TRIM5: variants seen among roughly 807,000 people sequenced by gnomAD.
TRIM5 encodes the protein tripartite motif-containing protein 5.
A neutral mutation model predicts 35.6 loss-of-function variants in TRIM5; 31 were observed. The ratio of observed to expected loss-of-function variants is 0.87; its 90% CI spans 0.65 to 1.18. The LOEUF is 1.18. Ranked by LOEUF, TRIM5 falls within the 50% of genes most tolerant of loss-of-function variation. The pLI is 0.00. For synonymous variants in TRIM5, 243 were observed against 215.6 expected, an observed-to-expected ratio of 1.13 and a Z score of -1.11; for missense variants, 609 against 591.6, an observed-to-expected ratio of 1.03 and a Z score of -0.31.
At chr11:5,646,422 C>T in the TRIM5 span, among the ~76,000 whole-genome samples, 1 of 152,146 alleles carries the variant, frequency 6.6e-6, no homozygotes, top group African/African-American at 2.4e-5. Flanking sequence ...ACATCATCAG[C>T]ACACAATGTC....
the TRIM5 span, among the ~76,000 whole-genome samples, chr11:5,595,930 C>G: frequency 6.6e-6 from 1 of 152,138 alleles, no homozygotes; most frequent in East Asian, 1.9e-4. Context: ...ATCCGCCCGC[C>G]TCGGCCTCCC....
At chr11:5,677,092 A>C (rs1179513607) in intron 4 of TRIM5, among the ~76,000 whole-genome samples, 1 of 151,896 alleles carries the variant, frequency 6.6e-6, no homozygotes, top group Non-Finnish European at 1.5e-5. Context: ...CAAAAGACAA[A>C]ATTGACAAAT....
chr11:5,634,530 C>CACACATAT, the TRIM5 span: 5 of 261,994 alleles, frequency 1.9e-5, no homozygotes, highest in African/African-American at 1.6e-4. Flanking sequence ...CACACACACA[C>CACACATAT]ATATATATAT....
the TRIM5 span, among the ~76,000 whole-genome samples, chr11:5,653,325 T>C: frequency 2.0e-5 from 3 of 152,204 alleles, no homozygotes; most frequent in African/African-American, 4.8e-5. Context: ...GTTGAACATA[T>C]GTGTTAGTCC....
At chr11:5,620,480 A>C in the TRIM5 span, among the ~76,000 whole-genome samples, 43,784 of 151,536 alleles carry the variant, frequency 0.29, 6,366 homozygotes, top group East Asian at 0.3. Flanking sequence ...GGATTACAGG[A>C]GTGAGCCACT....
the TRIM5 span, among the ~76,000 whole-genome samples, chr11:5,631,144 A>G: frequency 6.6e-6 from 1 of 152,068 alleles, no homozygotes; most frequent in African/African-American, 2.4e-5. Context: ...CCCTCCCCCA[A>G]CGAATACACA....
chr11:5,629,867 CT>C, the TRIM5 span, among the ~76,000 whole-genome samples: 1 of 152,192 alleles, frequency 6.6e-6, no homozygotes, highest in East Asian at 1.9e-4. Context: ...GCCGCCACCC[CT>C]GGCTAATTTT....
the TRIM5 span, among the ~76,000 whole-genome samples, chr11:5,617,035 CT>C: frequency 0.45 from 57,315 of 126,540 alleles, 15,876 homozygotes; most frequent in Non-Finnish European, 0.49. Context: ...CCACGCCCAG[CT>C]TTTTTTTTTT....
At position 5,664,686 on chromosome 11, in the gene TRIM5, T is replaced by C; in HGVS notation, c.*123A>G. The C allele has an allele frequency of 2.0e-6, 3 of 1,464,372 alleles. No homozygotes were observed. In the African/African-American group the frequency reaches 4.2e-5, roughly 21 times the overall value. 90.7% of individuals were successfully genotyped at this position (1,464,372 alleles called of 1,614,324 possible). On this transcript the variant is annotated 3_prime_UTR_variant, in exon 8 of 8. Coordinates refer to ENST00000380034, the MANE Select transcript of TRIM5 (RefSeq NM_033034.3). The stretch of plus-strand genomic sequence containing the variant: ...ACATTTTACTGATGAGTGAAGGACG[T>C]TCAAATAGAAAGAAGGGAGACAGCA...
At chr11:5,648,625 C>T in the TRIM5 span, among the ~76,000 whole-genome samples, 1 of 151,720 alleles carries the variant, frequency 6.6e-6, no homozygotes, top group South Asian at 2.1e-4. Flanking sequence ...GTGTGAAAGA[C>T]AAAAAAAATA....
chr11:5,660,490 G>A (rs1204447899), downstream of TRIM5, among the ~76,000 whole-genome samples: 1 of 152,034 alleles, frequency 6.6e-6, no homozygotes, highest in Non-Finnish European at 1.5e-5. Flanking sequence ...TTTTGTCCAA[G>A]GTTTCTAATG....
the TRIM5 span, among the ~76,000 whole-genome samples, chr11:5,645,156 C>A: frequency 1.3e-5 from 2 of 152,120 alleles, no homozygotes; most frequent in African/African-American, 4.8e-5. Flanking sequence ...CTTTGGGAGG[C>A]CGAGAAGAGA....
downstream of TRIM5, among the ~76,000 whole-genome samples, chr11:5,660,678 T>C (rs563995380): frequency 6.6e-6 from 1 of 152,168 alleles, no homozygotes; most frequent in South Asian, 2.1e-4. Context: ...TGTAATGTTT[T>C]GCACTGCCAC....
At chr11:5,611,548 G>C in the TRIM5 span, 2 of 504,624 alleles carry the variant, frequency 4.0e-6, no homozygotes, top group African/African-American at 3.8e-5. Flanking sequence ...CTGCCTCCTG[G>C]GTTCAAGCGA....
chr11:5,589,366 A>G, the TRIM5 span: 1 of 152,116 alleles, frequency 6.6e-6, no homozygotes, highest in Non-Finnish European at 1.5e-5. Context: ...AAATCATGCA[A>G]GTGATTTTGC....
chr11:5,664,464 T>G lies in TRIM5; in HGVS notation c.*345A>C. On this transcript the variant is annotated 3_prime_UTR_variant, in exon 8 of 8. Transcript: ENST00000380034. Reference sequence around the variant, plus strand: ...TCACACGATGATATAGAAAGGCTGTTGAAAAGCTTTTCTTCATCTTCTTAG... The same window carrying G: ...TCACACGATGATATAGAAAGGCTGTGGAAAAGCTTTTCTTCATCTTCTTAG... The G allele has an allele frequency of 1.9e-6, 2 of 1,034,124 alleles. No individual in the cohort carries two copies. The highest frequency in any genetic ancestry group is 2.3e-6 in the Non-Finnish European group (2 of 860,088). The allele number at this position is 1,034,124 out of a possible 1,614,324, so 64.1% of individuals were successfully genotyped here.
At chr11:5,647,931 A>T in the TRIM5 span, among the ~76,000 whole-genome samples, 343 of 151,676 alleles carry the variant, frequency 2.3e-3, 15 homozygotes, top group East Asian at 0.061. Context: ...TGATCCACAC[A>T]CTCTGTGACT....
intron 1 of TRIM5, among the ~76,000 whole-genome samples, chr11:5,681,212 G>A (rs2880575): frequency 0.12 from 17,918 of 152,184 alleles, 1,259 homozygotes; most frequent in East Asian, 0.29. Context: ...AATATTAGAT[G>A]AGATGATTCT....
chr11:5,683,031 C>T (rs904087554), intron 1 of TRIM5, among the ~76,000 whole-genome samples: 4 of 152,126 alleles, frequency 2.6e-5, no homozygotes, highest in African/African-American at 9.6e-5. Flanking sequence ...TGGTGGGCCC[C>T]GCACTCGGAG....
Sources: gnomAD v4.1 joint callset for allele counts (sites outside exome capture counted in the v4.1 genomes callset) on GRCh38, gnomAD v4.1.1 for gene constraint, MANE v1.5 for transcripts, NCBI Gene and HGNC (gene_info 2026-07-23, HGNC 2026-07-21) for gene names.